Variants in RSRC1 observed in about 807,000 individuals in gnomAD.
RSRC1 encodes serine/Arginine-related protein 53.
Under a neutral mutation model 49.1 loss-of-function variants are expected in RSRC1, and 39 were observed. That is an observed-to-expected ratio of 0.79 (90% CI 0.61 to 1.04). RSRC1 has a LOEUF of 1.04. Ranked by LOEUF, RSRC1 falls within the 50% of genes least tolerant of loss-of-function variation. The pLI is 0.00. For missense variants in RSRC1, 388 were observed against 402.4 expected (o/e 0.96, Z 0.31); for synonymous variants, 143 against 130.8 (o/e 1.09, Z -0.63).
chr3:158,438,646 T>TA (rs1736185954), intron 6 of RSRC1, among the ~76,000 whole-genome samples: 1 of 152,176 alleles, frequency 6.6e-6, no homozygotes, highest in Non-Finnish European at 1.5e-5. Flanking sequence ...ATCACTTCCT[T>TA]ACACCATATA....
chr3:158,370,848 A>G (rs1264856841), intron 6 of RSRC1, among the ~76,000 whole-genome samples: 1 of 151,998 alleles, frequency 6.6e-6, no homozygotes, highest in Non-Finnish European at 1.5e-5. Context: ...TTTATAAGTC[A>G]CTGCCAAAAT....
intron 3 of RSRC1, among the ~76,000 whole-genome samples, chr3:158,129,663 T>C (rs1715887455): frequency 6.6e-6 from 1 of 152,190 alleles, no homozygotes; most frequent in African/African-American, 2.4e-5. Context: ...CGAATGTGAC[T>C]CTATTTCTGG....
intron 4 of RSRC1, among the ~76,000 whole-genome samples, chr3:158,293,404 G>A (rs1727057258): frequency 6.6e-6 from 1 of 151,934 alleles, no homozygotes; most frequent in Non-Finnish European, 1.5e-5. Flanking sequence ...ATATTTGCCT[G>A]GTTTTATGGG....
chr3:158,126,715 A>G (rs9845600), intron 3 of RSRC1, among the ~76,000 whole-genome samples: 144,050 of 152,220 alleles, frequency 0.95, 68,281 homozygotes, highest in East Asian at 1. Context: ...GTCTAGTGTC[A>G]TTTCATTTCC....
At chr3:158,173,899 A>G (rs987176695) in intron 3 of RSRC1, among the ~76,000 whole-genome samples, 10 of 151,970 alleles carry the variant, frequency 6.6e-5, no homozygotes, top group African/African-American at 2.4e-4. Flanking sequence ...ATATTCAGGA[A>G]AAAACAGTCT....
intron 3 of RSRC1, among the ~76,000 whole-genome samples, chr3:158,148,983 C>A (rs975344954): frequency 6.6e-6 from 1 of 152,080 alleles, no homozygotes; most frequent in African/African-American, 2.4e-5. Flanking sequence ...GGGGTTTCAC[C>A]ATGTTGGTCA....
At chr3:158,332,783 G>T (rs1729625196) in intron 5 of RSRC1, among the ~76,000 whole-genome samples, 1 of 142,216 alleles carries the variant, frequency 7.0e-6, no homozygotes. Flanking sequence ...ATATTATTTT[G>T]AATTTTTTTT....
chr3:158,431,603 T>C (rs188450745), intron 6 of RSRC1, among the ~76,000 whole-genome samples: 371 of 152,048 alleles, frequency 2.4e-3, no homozygotes, highest in Middle Eastern at 6.8e-3. Flanking sequence ...TAATTGGTCC[T>C]ATATTAAATC....
chr3:158,452,154 CAAGAT>C (rs1737079077), intron 6 of RSRC1, among the ~76,000 whole-genome samples: 1 of 152,000 alleles, frequency 6.6e-6, no homozygotes, highest in African/African-American at 2.4e-5. Context: ...ATGTAAGAAA[CAAGAT>C]AAAAAGAGCA....
intron 3 of RSRC1, among the ~76,000 whole-genome samples, chr3:158,187,217 A>G (rs1339321547): frequency 6.6e-6 from 1 of 152,010 alleles, no homozygotes; most frequent in Non-Finnish European, 1.5e-5. Flanking sequence ...TACAACAGCT[A>G]TTTGTTTGAA....
intron 3 of RSRC1, among the ~76,000 whole-genome samples, chr3:158,151,142 A>T (rs1484013651): frequency 1.3e-5 from 2 of 152,236 alleles, no homozygotes; most frequent in Non-Finnish European, 2.9e-5. Flanking sequence ...AACAAGAGAG[A>T]AGCATACAGA....
intron 6 of RSRC1, among the ~76,000 whole-genome samples, chr3:158,443,299 C>A (rs763861458): frequency 1.3e-5 from 2 of 152,136 alleles, no homozygotes; most frequent in East Asian, 1.9e-4. Context: ...GCGGTTTTGT[C>A]TGCATTGAAA....
At chr3:158,315,671 T>C (rs1384751550) in intron 5 of RSRC1, among the ~76,000 whole-genome samples, 1 of 152,056 alleles carries the variant, frequency 6.6e-6, no homozygotes, top group African/African-American at 2.4e-5. Context: ...ATGAAGGAGT[T>C]GTTTTATTTA....
In RSRC1 at chr3:158,468,920, A is replaced by G. The variant is rs141026449; in HGVS notation, c.652+7917A>G. ...CTAAGATTTATTCTGATAAGTTTGT[A>G]TCCAAATAACAAGGAAAATATATAG... On this transcript the variant is annotated intron_variant, in intron 7 of 9. Transcript: ENST00000611884. 9.5e-3 allele frequency among the ~76,000 whole-genome samples: 1,451 copies of G among 152,292 alleles called. 13 individuals are homozygous for G. Among genetic ancestry groups the G allele is most frequent in the Middle Eastern group, 0.014 (4 of 294 alleles).
At chr3:158,291,114 C>G (rs1176238783) in intron 4 of RSRC1, among the ~76,000 whole-genome samples, 1 of 152,116 alleles carries the variant, frequency 6.6e-6, no homozygotes. Context: ...GGATGGAGGG[C>G]CACTTGGGCC....
At chr3:158,310,189 A>G (rs1357713904) in intron 5 of RSRC1, among the ~76,000 whole-genome samples, 1 of 151,692 alleles carries the variant, frequency 6.6e-6, no homozygotes, top group East Asian at 1.9e-4. Context: ...CTTAATTTGA[A>G]AAGCACCTTA....
chr3:158,196,125 C>T (rs1430582099), intron 3 of RSRC1, among the ~76,000 whole-genome samples: 3 of 152,102 alleles, frequency 2.0e-5, no homozygotes, highest in Non-Finnish European at 4.4e-5. Flanking sequence ...TCTTCCTACT[C>T]ACGAGCATGG....
intron 3 of RSRC1, among the ~76,000 whole-genome samples, chr3:158,197,188 T>C (rs1720683357): frequency 6.6e-6 from 1 of 152,236 alleles, no homozygotes; most frequent in Non-Finnish European, 1.5e-5. Flanking sequence ...AGCCTGTTAT[T>C]GGTCTATTCA....
At position 158,124,225 on chromosome 3, in the gene RSRC1, C is replaced by T. The variant is rs114278870; in HGVS notation, c.320+234C>T. 5.5e-3 allele frequency among the ~76,000 whole-genome samples: 842 copies of T among 152,122 alleles called. 8 individuals are homozygous for T. Among genetic ancestry groups the T allele is most frequent in the African/African-American group, 0.019 (801 of 41,490 alleles). On this transcript the variant is annotated intron_variant, in intron 3 of 9. Coordinates refer to ENST00000611884, the MANE Select transcript of RSRC1 (RefSeq NM_001271838.2). Reference sequence around the variant, plus strand: ...CTTGCATTTGGTTCTGGCTATTGGCCGGGGTGTACGTGGCTTCTCATTGTC... The same window carrying T: ...CTTGCATTTGGTTCTGGCTATTGGCTGGGGTGTACGTGGCTTCTCATTGTC...
Sources: allele counts gnomAD v4.1 joint callset (sites outside exome capture counted in the v4.1 genomes callset), GRCh38; gene constraint gnomAD v4.1.1; transcripts MANE v1.5; gene names NCBI Gene and HGNC (gene_info 2026-07-23, HGNC 2026-07-21).